SPATS2L: variants seen among roughly 807,000 people sequenced by gnomAD.
SPATS2L encodes spermatogenesis associated serine rich 2 like, also known as SPATS2-like protein.
A neutral mutation model predicts 59.6 loss-of-function variants in SPATS2L; 30 were observed. The observed-to-expected ratio is 0.50, with a 90% CI of 0.38 to 0.68. SPATS2L has a LOEUF of 0.68. SPATS2L is among the 30% of genes least tolerant of loss of function. SPATS2L has a pLI of 0.00. For synonymous variants in SPATS2L, 252 were observed against 263.5 expected, an observed-to-expected ratio of 0.96 and a Z score of 0.42; for missense variants, 615 against 700.0, an observed-to-expected ratio of 0.88 and a Z score of 1.37.
upstream of SPATS2L, chr2:200,306,084 G>C (rs1384127453): frequency 2.0e-6 from 2 of 985,504 alleles, no homozygotes; most frequent in African/African-American, 1.7e-5. Flanking sequence ...CAGAGGAGGC[G>C]GCGGAACACC....
intron 6 of SPATS2L, among the ~76,000 whole-genome samples, chr2:200,430,455 A>G (rs899028704): frequency 1.3e-5 from 2 of 151,954 alleles, no homozygotes; most frequent in African/African-American, 4.8e-5. Context: ...AAAGGAAACA[A>G]TCCTGCCCCC....
intron 6 of SPATS2L, among the ~76,000 whole-genome samples, chr2:200,420,935 C>T (rs1447791411): frequency 3.3e-5 from 5 of 151,992 alleles, no homozygotes; most frequent in African/African-American, 9.7e-5. Context: ...TAAAAATGCC[C>T]GCTCAGTTTT....
At chr2:200,452,045 G>C (rs141730219) in intron 8 of SPATS2L, among the ~76,000 whole-genome samples, 1 of 152,248 alleles carries the variant, frequency 6.6e-6, no homozygotes, top group East Asian at 1.9e-4. Context: ...TGATCTGCCT[G>C]CCTCGCCCTC....
chr2:200,359,681 A>G (rs562048108), intron 2 of SPATS2L, among the ~76,000 whole-genome samples: 2 of 152,158 alleles, frequency 1.3e-5, no homozygotes, highest in African/African-American at 2.4e-5. Flanking sequence ...TGCACCTCCC[A>G]TTTTCCTTCT....
At chr2:200,351,097 G>A (rs2080713452) in intron 2 of SPATS2L, 1 of 384,192 alleles carries the variant, frequency 2.6e-6, no homozygotes, top group Admixed American at 3.1e-5. Context: ...TCACAATCAT[G>A]TTTATGCAAG....
chr2:200,414,094 C>T (rs1477785956), intron 4 of SPATS2L, among the ~76,000 whole-genome samples: 2 of 151,820 alleles, frequency 1.3e-5, no homozygotes, highest in African/African-American at 4.8e-5. Flanking sequence ...TTCCTCCCTA[C>T]CCCCACTTGG....
chr2:200,431,335 T>C (rs1316306034), intron 6 of SPATS2L, among the ~76,000 whole-genome samples: 5 of 152,224 alleles, frequency 3.3e-5, no homozygotes, highest in Non-Finnish European at 7.4e-5. Context: ...TATTATCAGG[T>C]ATCAAGTATC....
At chr2:200,452,443 G>T (rs537769107) in intron 8 of SPATS2L, among the ~76,000 whole-genome samples, 1 of 152,236 alleles carries the variant, frequency 6.6e-6, no homozygotes, top group Admixed American at 6.5e-5. Flanking sequence ...CTAATGTTGA[G>T]AGTTAGTCCT....
chr2:200,430,715 CTTTTTTTTTTT>C (rs1179889614), intron 6 of SPATS2L, among the ~76,000 whole-genome samples: 1 of 127,262 alleles, frequency 7.9e-6, no homozygotes, highest in Non-Finnish European at 1.7e-5. Context: ...GAATTGTTTC[CTTTTTTTTTTT>C]TTTTTTTTTG....
intron 3 of SPATS2L, among the ~76,000 whole-genome samples, chr2:200,408,543 A>C (rs892329523): frequency 1.3e-5 from 2 of 152,214 alleles, no homozygotes; most frequent in African/African-American, 4.8e-5. Flanking sequence ...GGAAACTCAG[A>C]CATAGTTTAA....
At position 200,479,323 on chromosome 2, in the gene SPATS2L, G is replaced by C. The variant is rs138901338; in HGVS notation, c.*1292G>C. The C allele has an allele frequency of 1.8e-5, 7 of 380,424 alleles. No individual in the cohort carries two copies. The highest frequency in any genetic ancestry group is 6.2e-5 in the African/African-American group (3 of 48,338). The allele number at this position is 380,424 out of a possible 1,614,324, so 23.6% of individuals were successfully genotyped here. A position where few individuals can be genotyped will look rare whatever the true frequency, so the allele number is the denominator to read the frequency against. On this transcript the variant is annotated 3_prime_UTR_variant, in exon 13 of 13. Coordinates refer to ENST00000409140, the MANE Select transcript of SPATS2L (RefSeq NM_001100423.2). ...AAGTCTATTTTCCACACTGTCCAGA[G>C]GAGAGAAGTTATCCTAGTAGCTTCT...
At chr2:200,414,503 G>A (rs532958026) in intron 4 of SPATS2L, among the ~76,000 whole-genome samples, 12 of 152,134 alleles carry the variant, frequency 7.9e-5, no homozygotes, top group African/African-American at 2.9e-4. Flanking sequence ...GGTGACACAT[G>A]CCTGTAGTCC....
chr2:200,398,021 T>C (rs866731395), intron 3 of SPATS2L, among the ~76,000 whole-genome samples: 8 of 152,164 alleles, frequency 5.3e-5, no homozygotes, highest in Admixed American at 6.5e-5. Context: ...AGAGAATGTC[T>C]CAAACTTACA....
chr2:200,472,953 C>A lies in SPATS2L; in HGVS notation c.1182C>A (p.His394Gln), dbSNP rs1184741227. The A allele has an allele frequency of 2.5e-6, 4 of 1,613,956 alleles. No homozygotes were observed. The highest frequency in any genetic ancestry group is 2.7e-5 in the African/African-American group (2 of 75,012). The stretch of plus-strand genomic sequence containing the variant: ...ACTTTTCCCGAAAATCATCCACTCA[C>A]AATAAGCCCTCTGAAGGCAAAGCGG... The part of the protein sequence containing the change: ...QSNFSRKSST[H>Q]NKPSEGKAAN... Residue 394 changes from histidine (H) to glutamine (Q), a missense_variant, in exon 12 of 13, where the codon CAC (histidine) becomes CAA (glutamine). Coordinates refer to ENST00000409140, the MANE Select transcript of SPATS2L (RefSeq NM_001100423.2).
chr2:200,314,158 C>T (rs145307650), intron 1 of SPATS2L, among the ~76,000 whole-genome samples: 83 of 152,318 alleles, frequency 5.4e-4, no homozygotes, highest in African/African-American at 1.7e-3. Context: ...GTCTTTAACT[C>T]GACAAGTTCA....
At chr2:200,469,845 C>T (rs767002398) in intron 10 of SPATS2L, 69 bp from the exon 11 acceptor site, 52 of 1,179,658 alleles carry the variant, frequency 4.4e-5, no homozygotes, top group South Asian at 3.9e-4. Flanking sequence ...GCAGAGTGAA[C>T]GCATCCACGG....
At chr2:200,310,764 C>T (rs2079167980) in intron 1 of SPATS2L, among the ~76,000 whole-genome samples, 1 of 152,224 alleles carries the variant, frequency 6.6e-6, no homozygotes, top group South Asian at 2.1e-4. Flanking sequence ...AGTTGGATCT[C>T]ACTGCCCTTC....
chr2:200,473,129 CTA>C (rs2087200854), intron 12 of SPATS2L, 77 bp downstream of exon 12: 1 of 1,387,396 alleles, frequency 7.2e-7, no homozygotes, highest in African/African-American at 1.5e-5. Context: ...ACAGCAACTA[CTA>C]GATTCTGGGC....
chr2:200,465,412 G>T (rs903752595), intron 9 of SPATS2L, among the ~76,000 whole-genome samples: 1 of 152,228 alleles, frequency 6.6e-6, no homozygotes, highest in East Asian at 1.9e-4. Flanking sequence ...TATGTACTCT[G>T]GCTGAAAATG....
Sources: allele counts gnomAD v4.1 joint callset (sites outside exome capture counted in the v4.1 genomes callset), GRCh38; gene constraint gnomAD v4.1.1; transcripts MANE v1.5; gene names NCBI Gene and HGNC (gene_info 2026-07-23, HGNC 2026-07-21).